Variants in FAM209A observed in about 807,000 individuals in gnomAD.
FAM209A encodes the protein family with sequence similarity 209 member A.
In FAM209A, 4 loss-of-function variants were observed where a neutral mutation model predicts 9.8. That is an observed-to-expected ratio of 0.41 (90% CI 0.20 to 0.94). FAM209A has a LOEUF of 0.94. Ranked by LOEUF, FAM209A falls within the 40% of genes least tolerant of loss-of-function variation. The probability of loss-of-function intolerance (pLI) is 0.32; values close to 1 mark genes in which losing one functional copy is unlikely to be tolerated. For missense variants in FAM209A, 205 were observed against 209.4 expected (o/e 0.98, Z 0.13); for synonymous variants, 55 against 77.8 (o/e 0.71, Z 1.54).
the FAM209A span, chr20:56,533,439 A>C: frequency 6.8e-6 from 11 of 1,611,446 alleles, no homozygotes; most frequent in Non-Finnish European, 9.3e-6. Flanking sequence ...AGCGAACCCC[A>C]GGGGAAGGTG....
chr20:56,525,031 T>C lies in FAM209A; in HGVS notation c.223T>C (p.Cys75Arg), dbSNP rs147457237. 3.6e-5 allele frequency: 58 copies of C among 1,614,162 alleles called. No homozygotes were observed. The South Asian group carries it at 4.7e-4, about 13-fold the overall frequency. ...TGTTGTGCCGTTTGTGATACTGCAG[T>C]GTCAAAGAGACAGTGAGAAGAATAA... ...FVVVPFVILQ[C>R]QRDSEKNKEQ... Residue 75 changes from cysteine to arginine, a missense_variant, in exon 1 of 2, where the codon TGT becomes CGT. Transcript: ENST00000371328.
chr20:56,529,734 C>G (rs1397892885), downstream of FAM209A, among the ~76,000 whole-genome samples: 1 of 151,818 alleles, frequency 6.6e-6, no homozygotes, highest in Admixed American at 6.6e-5. Flanking sequence ...GAGGCTGAGG[C>G]AGGAGAATCT....
downstream of FAM209A, among the ~76,000 whole-genome samples, chr20:56,528,268 G>A (rs979812219): frequency 6.6e-5 from 10 of 151,910 alleles, no homozygotes; most frequent in Non-Finnish European, 1.3e-4. Context: ...GGGTGGTGGC[G>A]TGAGACCCTG....
At chr20:56,532,434 G>A in the FAM209A span, among the ~76,000 whole-genome samples, 1 of 151,242 alleles carries the variant, frequency 6.6e-6, no homozygotes, top group Non-Finnish European at 1.5e-5. Flanking sequence ...TGTGGGCCCA[G>A]TGCTTCCAGA....
downstream of FAM209A, among the ~76,000 whole-genome samples, chr20:56,528,736 G>A (rs1295221706): frequency 3.9e-5 from 6 of 152,162 alleles, no homozygotes; most frequent in South Asian, 2.1e-4. Flanking sequence ...GACCTCATTC[G>A]AGAGGGTCAT....
chr20:56,529,129 AC>A (rs1241964355), downstream of FAM209A, among the ~76,000 whole-genome samples: 1 of 151,524 alleles, frequency 6.6e-6, no homozygotes, highest in Non-Finnish European at 1.5e-5. Context: ...AATCGCTTGA[AC>A]CCAGGAGGCG....
chr20:56,529,228 A>G (rs1018336257), downstream of FAM209A, among the ~76,000 whole-genome samples: 8 of 150,142 alleles, frequency 5.3e-5, no homozygotes, highest in African/African-American at 2.0e-4. Context: ...AAAACAAATT[A>G]TTCTTAGGCT....
downstream of FAM209A, among the ~76,000 whole-genome samples, chr20:56,527,748 G>A (rs1048553136): frequency 5.3e-5 from 8 of 152,242 alleles, no homozygotes; most frequent in Non-Finnish European, 7.3e-5. Context: ...GCCCTGCCTC[G>A]AAGGCATAGG....
At chr20:56,527,606 C>G (rs1372541680), downstream of FAM209A, among the ~76,000 whole-genome samples, 1 of 152,236 alleles carries the variant, frequency 6.6e-6, no homozygotes, top group African/African-American at 2.4e-5. Context: ...TCACAAGCAT[C>G]AAAGTCACCC....
chr20:56,529,558 A>T (rs905995499), downstream of FAM209A, among the ~76,000 whole-genome samples: 1 of 151,230 alleles, frequency 6.6e-6, no homozygotes, highest in African/African-American at 2.4e-5. Context: ...GCCTGGCACA[A>T]TGGCTCAGTC....
intron 1 of FAM209A, 52 bp from the exon 2 acceptor site, chr20:56,525,752 C>A: frequency 6.3e-7 from 1 of 1,578,246 alleles, no homozygotes; most frequent in South Asian, 1.2e-5. Context: ...CGAACTGTGT[C>A]AAAACCAACA....
At chr20:56,533,492 C>A in the FAM209A span, 1 of 1,614,196 alleles carries the variant, frequency 6.2e-7, no homozygotes, top group African/African-American at 1.3e-5. Context: ...CCTACCAGAG[C>A]ACACCCAAGG....
At chr20:56,527,118 C>T (rs570124384), downstream of FAM209A, among the ~76,000 whole-genome samples, 44 of 152,242 alleles carry the variant, frequency 2.9e-4, no homozygotes, top group African/African-American at 9.9e-4. Context: ...TTCCTCTCTC[C>T]TACAGTGTTT....
rs1054351 is a variant in FAM209A at position 56,525,911 on chromosome 20, C to T, written c.357C>T (p.Leu119=). 5 of 1,614,056 alleles carry T rather than the reference C, an allele frequency of 3.1e-6. No individual in the cohort carries two copies. Among genetic ancestry groups the T allele is most frequent in the East Asian group, 4.5e-5 (2 of 44,906 alleles). Reference sequence around the variant, plus strand: ...GTGCATTCAATACCTTAATGGAACTCGAGGTGGAGCTTATGAAATTTGTGT... The same window carrying T: ...GTGCATTCAATACCTTAATGGAACTTGAGGTGGAGCTTATGAAATTTGTGT... ...KDCAFNTLME[L]EVELMKFVSK... is the part of the protein sequence containing the mutation. Residue 119 remains leucine (L), a synonymous_variant, in exon 2 of 2, where the codon CTC becomes CTT. Transcript: ENST00000371328.
chr20:56,528,594 T>A (rs1985637717), downstream of FAM209A, among the ~76,000 whole-genome samples: 1 of 151,570 alleles, frequency 6.6e-6, no homozygotes, highest in Non-Finnish European at 1.5e-5. Flanking sequence ...GAGCCAGACC[T>A]TGTGTCCAAA....
the FAM209A span, among the ~76,000 whole-genome samples, chr20:56,531,964 CTTTTCTTTTCT>C: frequency 2.4e-4 from 32 of 134,758 alleles, no homozygotes; most frequent in African/African-American, 8.5e-4. Flanking sequence ...CTTTTCTTTT[CTTTTCTTTTCT>C]TTTTTTTTTT....
In FAM209A at chr20:56,525,812, T is replaced by G; in HGVS notation, c.258T>G (p.Ser86Arg). The G allele has an allele frequency of 6.2e-7, 1 of 1,613,682 alleles. No individual in the cohort carries two copies. The highest frequency in any genetic ancestry group is 1.7e-5 in the Admixed American group (1 of 59,932). The change falls in exon 2 of 2, where the codon AGT becomes AGG. Residue 86 changes from serine to arginine, a missense_variant. Ser to Arg is a moderately radical substitution (Grantham distance 110). Transcript: ENST00000371328. ...QRDSEKNKEQ[S>R]PPGLRGGQLH... ...AGTATCTTTCCTGACAGGAGCAGAGTCCTCCTGGCCTTCGAGGCGGCCAAC... is the reference window on the plus strand; with the variant it reads ...AGTATCTTTCCTGACAGGAGCAGAGGCCTCCTGGCCTTCGAGGCGGCCAAC...
chr20:56,533,441 G>A, the FAM209A span: 2 of 1,610,658 alleles, frequency 1.2e-6, no homozygotes, highest in Non-Finnish European at 1.7e-6. Context: ...CGAACCCCAG[G>A]GGAAGGTGCC....
the FAM209A span, chr20:56,533,089 A>T: frequency 1.1e-6 from 1 of 916,724 alleles, no homozygotes; most frequent in Non-Finnish European, 1.3e-6. Context: ...CCTGGCAGGG[A>T]ATTGGCACCC....
Sources: gnomAD v4.1 joint callset for allele counts (sites outside exome capture counted in the v4.1 genomes callset) on GRCh38, gnomAD v4.1.1 for gene constraint, MANE v1.5 for transcripts, NCBI Gene and HGNC (gene_info 2026-07-23, HGNC 2026-07-21) for gene names.